The following FNDC3A variants were observed in gnomAD, a reference collection of about 807,000 sequenced individuals.
The protein encoded by FNDC3A is fibronectin type-III domain-containing protein 3A.
In FNDC3A, 32 loss-of-function variants were observed where a neutral mutation model predicts 148.9. The observed-to-expected ratio is 0.21, with a 90% CI of 0.16 to 0.29. The LOEUF is 0.29. Ranked by LOEUF, FNDC3A falls within the 10% of genes least tolerant of loss-of-function variation. FNDC3A has a pLI of 1.00. For synonymous variants in FNDC3A, 472 were observed against 473.6 expected, an observed-to-expected ratio of 1.00 and a Z score of 0.04; for missense variants, 1,191 against 1,452.8, an observed-to-expected ratio of 0.82 and a Z score of 2.93.
chr13:49,183,820 G>T (rs1389285928), intron 14 of FNDC3A, among the ~76,000 whole-genome samples: 1 of 152,142 alleles, frequency 6.6e-6, no homozygotes, highest in Non-Finnish European at 1.5e-5. Context: ...TTTATTTGGG[G>T]TGGTAGATTT....
At chr13:48,999,675 A>G (rs946403702) in intron 1 of FNDC3A, among the ~76,000 whole-genome samples, 2 of 152,192 alleles carry the variant, frequency 1.3e-5, no homozygotes, top group Admixed American at 1.3e-4. Context: ...CCCCAAAATG[A>G]TAGTATTAAG....
At chr13:49,126,922 GGA>G (rs1033948999) in intron 4 of FNDC3A, among the ~76,000 whole-genome samples, 21 of 152,140 alleles carry the variant, frequency 1.4e-4, no homozygotes, top group African/African-American at 5.1e-4. Context: ...AGAAATTATA[GGA>G]GAGAGAGATC....
chr13:49,075,166 G>A, intron 2 of FNDC3A, 123 bp from the exon 3 acceptor site: 2 of 527,076 alleles, frequency 3.8e-6, no homozygotes, highest in Non-Finnish European at 6.8e-6. Flanking sequence ...TCTTAAATGT[G>A]TAATCCCCAT....
At chr13:48,988,058 G>A (rs1446778459) in intron 1 of FNDC3A, 1 of 152,132 alleles carries the variant, frequency 6.6e-6, no homozygotes, top group African/African-American at 2.4e-5. Flanking sequence ...ACAAAGAAGG[G>A]CATTACATAA....
chr13:49,079,185 G>A (rs751990146), intron 3 of FNDC3A, among the ~76,000 whole-genome samples: 21 of 152,264 alleles, frequency 1.4e-4, no homozygotes, highest in Non-Finnish European at 2.5e-4. Flanking sequence ...CTACTGTATA[G>A]CATACATTCT....
rs576193287 is a variant in FNDC3A at position 49,138,466 on chromosome 13, A to G, written c.761-281A>G. On this transcript the variant is annotated intron_variant, in intron 6 of 25. Transcript: ENST00000492622. ...AACCATGAATAAAAATATACTTGAT[A>G]TAAGAAAAATTTGGTTCAGATAGAT... Among the ~76,000 whole-genome samples, 32 of 152,308 alleles carry G rather than the reference A, an allele frequency of 2.1e-4. No individual in the cohort carries two copies. In the South Asian group the frequency reaches 6.2e-3, roughly 30 times the overall value.
At chr13:49,031,704 G>A (rs111531054) in intron 2 of FNDC3A, among the ~76,000 whole-genome samples, 6 of 152,096 alleles carry the variant, frequency 3.9e-5, no homozygotes, top group African/African-American at 9.6e-5. Context: ...ATAAATCTCC[G>A]TGATCTTGAA....
intron 2 of FNDC3A, among the ~76,000 whole-genome samples, chr13:49,012,687 A>T (rs1047499534): frequency 6.6e-6 from 1 of 152,088 alleles, no homozygotes; most frequent in South Asian, 2.1e-4. Context: ...TGGTGTATTC[A>T]TGCATTTATG....
intron 2 of FNDC3A, among the ~76,000 whole-genome samples, chr13:49,067,055 T>C (rs1877315791): frequency 6.6e-6 from 1 of 152,070 alleles, no homozygotes; most frequent in Admixed American, 6.6e-5. Context: ...ATAATAGACA[T>C]GACGAGATGG....
At chr13:49,145,746 T>C (rs1465423008) in intron 7 of FNDC3A, 32 bp from the exon 8 acceptor site, 1 of 1,600,100 alleles carries the variant, frequency 6.2e-7, no homozygotes, top group African/African-American at 1.3e-5. Context: ...TACAGTTGTT[T>C]TAAAGAACTT....
At chr13:48,994,879 G>A (rs1257077346) in intron 1 of FNDC3A, among the ~76,000 whole-genome samples, 1 of 152,106 alleles carries the variant, frequency 6.6e-6, no homozygotes, top group Non-Finnish European at 1.5e-5. Context: ...AACTAGACTG[G>A]TCATGAGTTG....
chr13:49,193,866 G>T lies in FNDC3A; in HGVS notation c.2226+2482G>T, dbSNP rs1025626906. On this transcript the variant is annotated intron_variant, in intron 19 of 25. Transcript: ENST00000492622. ...ACCTGGGAGGCGGAGGTTACAGTGA[G>T]CTGAAATCATGCCACTACATCCAGC... Among the ~76,000 whole-genome samples the T allele has an allele frequency of 2.6e-5, 4 of 152,114 alleles. No individual in the cohort carries two copies. The East Asian group carries it at 7.7e-4, about 29-fold the overall frequency.
chr13:49,043,801 A>G (rs928542866), intron 2 of FNDC3A, among the ~76,000 whole-genome samples: 2 of 152,188 alleles, frequency 1.3e-5, no homozygotes, highest in South Asian at 4.1e-4. Flanking sequence ...ATTCAGCATA[A>G]TGATCAAGCA....
intron 3 of FNDC3A, among the ~76,000 whole-genome samples, chr13:49,109,835 AT>A (rs1225369346): frequency 6.6e-6 from 1 of 152,240 alleles, no homozygotes; most frequent in Admixed American, 6.5e-5. Context: ...ACACATGTCT[AT>A]CAAACCTATA....
chr13:49,050,951 C>A (rs1212942216), intron 2 of FNDC3A, among the ~76,000 whole-genome samples: 1 of 152,204 alleles, frequency 6.6e-6, no homozygotes. Flanking sequence ...TTGTCTGATA[C>A]AAGGATAGCT....
intron 1 of FNDC3A, among the ~76,000 whole-genome samples, chr13:48,998,847 A>C (rs1772598903): frequency 1.3e-5 from 2 of 152,196 alleles, no homozygotes; most frequent in Admixed American, 6.5e-5. Context: ...ATCTCAACCG[A>C]AGCCAGGAAT....
chr13:49,066,833 T>C (rs1877298406), intron 2 of FNDC3A, among the ~76,000 whole-genome samples: 1 of 152,132 alleles, frequency 6.6e-6, no homozygotes, highest in African/African-American at 2.4e-5. Flanking sequence ...TCCTAATACT[T>C]TCCCCTCACT....
At chr13:49,114,754 T>A in intron 4 of FNDC3A, 23 bp downstream of exon 4, 1 of 1,480,452 alleles carries the variant, frequency 6.8e-7, no homozygotes, top group Non-Finnish European at 9.4e-7. Flanking sequence ...GCTATTTTTC[T>A]TTTCATATTT....
chr13:49,043,582 T>C (rs929993413), intron 2 of FNDC3A, among the ~76,000 whole-genome samples: 1 of 152,216 alleles, frequency 6.6e-6, no homozygotes, highest in Non-Finnish European at 1.5e-5. Flanking sequence ...CATGCTGTCA[T>C]GATAGTGTAA....
Sources: allele counts gnomAD v4.1 joint callset (sites outside exome capture counted in the v4.1 genomes callset), GRCh38; gene constraint gnomAD v4.1.1; transcripts MANE v1.5; gene names NCBI Gene and HGNC (gene_info 2026-07-23, HGNC 2026-07-21).